The following FGGY variants were observed in gnomAD, a reference collection of about 807,000 sequenced individuals.
FGGY encodes the protein FGGY carbohydrate kinase domain-containing protein.
Under a neutral mutation model 71.3 loss-of-function variants are expected in FGGY, and 72 were observed. That is an observed-to-expected ratio of 1.01 (90% CI 0.84 to 1.23). The LOEUF is 1.23. Among genes scored for constraint, FGGY ranks in the 50% most tolerant of loss-of-function variants. FGGY has a pLI of 0.00. For missense variants in FGGY, 668 were observed against 682.3 expected (o/e 0.98, Z 0.23); for synonymous variants, 251 against 250.3 (o/e 1.00, Z -0.02).
chr1:59,622,656 C>G (rs2096821742), intron 9 of FGGY, among the ~76,000 whole-genome samples: 2 of 152,182 alleles, frequency 1.3e-5, no homozygotes, highest in South Asian at 4.1e-4. Flanking sequence ...ATGGCTCTCT[C>G]TTTCTGACAT....
chr1:59,521,450 G>A (rs1194824274), intron 7 of FGGY, among the ~76,000 whole-genome samples: 2 of 152,154 alleles, frequency 1.3e-5, no homozygotes, highest in Non-Finnish European at 2.9e-5. Context: ...TCCAGGGCCT[G>A]GTGCTATTGC....
intron 9 of FGGY, among the ~76,000 whole-genome samples, chr1:59,609,474 A>G (rs1238363114): frequency 6.6e-6 from 1 of 152,224 alleles, no homozygotes; most frequent in Non-Finnish European, 1.5e-5. Flanking sequence ...AAAAGCCACA[A>G]GGACTTGAAT....
intron 6 of FGGY, among the ~76,000 whole-genome samples, chr1:59,480,506 C>T (rs1330254677): frequency 6.6e-6 from 1 of 152,168 alleles, no homozygotes; most frequent in South Asian, 2.1e-4. Context: ...TGGCCAGAAC[C>T]GTATTACATA....
In FGGY at chr1:59,322,710, T is replaced by G. The variant is rs985861554; in HGVS notation, c.201+960T>G. On this transcript the variant is annotated intron_variant, in intron 2 of 15. Coordinates refer to ENST00000303721, the MANE Select transcript of FGGY (RefSeq NM_018291.5). The stretch of plus-strand genomic sequence containing the variant: ...TCACCCTGAGTGGCCTTGGATTGGA[T>G]GCAGCCTGCTGGCTTGGGAAGGAAA... 2.0e-5 allele frequency among the ~76,000 whole-genome samples: 3 copies of G among 152,220 alleles called. 1 individual carries two copies. The highest frequency in any genetic ancestry group is 4.4e-5 in the Non-Finnish European group (3 of 68,030).
intron 2 of FGGY, among the ~76,000 whole-genome samples, chr1:59,329,990 G>A (rs11587762): frequency 0.21 from 32,220 of 151,988 alleles, 3,981 homozygotes; most frequent in East Asian, 0.4. Context: ...CAAGGAAGGA[G>A]CATTTTCTCT....
At chr1:59,460,549 T>C (rs1446603122) in intron 6 of FGGY, among the ~76,000 whole-genome samples, 2 of 152,204 alleles carry the variant, frequency 1.3e-5, no homozygotes, top group Non-Finnish European at 2.9e-5. Flanking sequence ...AAGAGAGCAG[T>C]GGTTCTCCCA....
chr1:59,667,355 G>A lies in FGGY; in HGVS notation c.1369G>A (p.Gly457Ser). The A allele has an allele frequency of 1.2e-6, 2 of 1,614,182 alleles. No homozygotes were observed. The highest frequency in any genetic ancestry group is 1.7e-6 in the Non-Finnish European group (2 of 1,180,020). ...HSISTLFLCG[G>S]LSKNPLFVQM... The stretch of plus-strand genomic sequence containing the variant: ...AATCAGTACTCTTTTCCTATGTGGA[G>A]GCCTCAGCAAGAATCCCCTTTTTGT... The change falls in exon 13 of 16, where the codon GGC becomes AGC. Residue 457 changes from glycine (G) to serine (S), a missense_variant. Around this residue, in one of 2 missense-constraint regions of FGGY, gnomAD observed 661 missense variants for 661.6 expected, o/e 1.00. Coordinates refer to ENST00000303721, the MANE Select transcript of FGGY (RefSeq NM_018291.5).
intron 5 of FGGY, among the ~76,000 whole-genome samples, chr1:59,402,699 C>A (rs2062131492): frequency 6.6e-6 from 1 of 152,110 alleles, no homozygotes; most frequent in Admixed American, 6.5e-5. Flanking sequence ...GGACACTGAG[C>A]CTTGAGACAG....
chr1:59,605,648 C>T (rs2096616737), intron 8 of FGGY, among the ~76,000 whole-genome samples: 1 of 152,084 alleles, frequency 6.6e-6, no homozygotes, highest in Non-Finnish European at 1.5e-5. Flanking sequence ...ATTTAAAGTT[C>T]ACAATGTTAT....
intron 11 of FGGY, among the ~76,000 whole-genome samples, chr1:59,653,957 G>C (rs1441833468): frequency 3.9e-5 from 6 of 152,192 alleles, no homozygotes; most frequent in Non-Finnish European, 8.8e-5. Flanking sequence ...GATCCAACCA[G>C]AGAATCCAGG....
chr1:59,491,624 C>T (rs674612), intron 6 of FGGY, among the ~76,000 whole-genome samples: 77,620 of 151,022 alleles, frequency 0.51, 20,490 homozygotes, highest in African/African-American at 0.64. Flanking sequence ...GTTTAGGTTT[C>T]TCTATATATG....
chr1:59,433,991 A>G (rs1397812658), intron 5 of FGGY, among the ~76,000 whole-genome samples: 1 of 152,226 alleles, frequency 6.6e-6, no homozygotes, highest in African/African-American at 2.4e-5. Context: ...ATTTTGGACA[A>G]CATGCTTAGC....
At chr1:59,519,492 G>C (rs1407398698) in intron 7 of FGGY, among the ~76,000 whole-genome samples, 1 of 152,214 alleles carries the variant, frequency 6.6e-6, no homozygotes, top group Non-Finnish European at 1.5e-5. Context: ...AGGATTCCTA[G>C]AGGGAGTGAT....
At chr1:59,697,375 A>AAT (rs2097670129) in intron 14 of FGGY, among the ~76,000 whole-genome samples, 1 of 152,098 alleles carries the variant, frequency 6.6e-6, no homozygotes, top group African/African-American at 2.4e-5. Flanking sequence ...AACCCCTAGC[A>AAT]ACCACCATTC....
intron 14 of FGGY, among the ~76,000 whole-genome samples, chr1:59,733,839 A>C (rs2098072864): frequency 6.6e-6 from 1 of 152,192 alleles, no homozygotes; most frequent in Non-Finnish European, 1.5e-5. Flanking sequence ...TCTAAGAGTT[A>C]CTTCTAACAA....
intron 9 of FGGY, among the ~76,000 whole-genome samples, chr1:59,615,866 C>T (rs2096747108): frequency 6.6e-6 from 1 of 152,122 alleles, no homozygotes; most frequent in Non-Finnish European, 1.5e-5. Flanking sequence ...CAAATGAAGA[C>T]ATTTATGTAG....
intron 6 of FGGY, among the ~76,000 whole-genome samples, chr1:59,476,431 A>G (rs1349289646): frequency 6.6e-6 from 1 of 152,260 alleles, no homozygotes; most frequent in African/African-American, 2.4e-5. Context: ...TAATGGAATC[A>G]GAGACAGGTC....
At chr1:59,701,592 A>G (rs2097710294) in intron 14 of FGGY, among the ~76,000 whole-genome samples, 2 of 152,202 alleles carry the variant, frequency 1.3e-5, no homozygotes, top group Admixed American at 1.3e-4. Flanking sequence ...AGCATCATAC[A>G]GTGTGCTATG....
At chr1:59,612,309 T>C (rs184746140) in intron 9 of FGGY, among the ~76,000 whole-genome samples, 2,143 of 152,252 alleles carry the variant, frequency 0.014, 17 homozygotes, top group Middle Eastern at 0.051. Flanking sequence ...CGGCAGAAAC[T>C]CTACAAGCCA....
Sources: gnomAD v4.1 joint callset for allele counts (sites outside exome capture counted in the v4.1 genomes callset) on GRCh38, gnomAD v4.1.1 for gene constraint, gnomAD v4.1.1 regional missense constraint, MANE v1.5 for transcripts, NCBI Gene and HGNC (gene_info 2026-07-23, HGNC 2026-07-21) for gene names.